LRRC63: variants seen among roughly 807,000 people sequenced by gnomAD.
The protein encoded by LRRC63 is leucine rich repeat containing 63, also known as leucine-rich repeat-containing protein 63.
A neutral mutation model predicts 49.5 loss-of-function variants in LRRC63; 40 were observed. The ratio of observed to expected loss-of-function variants is 0.81; its 90% CI spans 0.63 to 1.05. LRRC63 has a LOEUF of 1.05. LRRC63 is among the 50% of genes least tolerant of loss of function. LRRC63 has a pLI of 0.00. For synonymous variants in LRRC63, 191 were observed against 221.1 expected (o/e 0.86, Z 1.21); for missense variants, 636 against 663.1 (o/e 0.96, Z 0.45).
At chr13:46,251,230 A>G (rs753548180) in intron 7 of LRRC63, among the ~76,000 whole-genome samples, 25 of 151,876 alleles carry the variant, frequency 1.6e-4, no homozygotes, top group Non-Finnish European at 3.4e-4. Context: ...ATTTATAAAG[A>G]TGTTCATTCA....
chr13:46,272,177 C>T (rs1427364638), intron 9 of LRRC63, among the ~76,000 whole-genome samples: 1 of 152,144 alleles, frequency 6.6e-6, no homozygotes, highest in Non-Finnish European at 1.5e-5. Context: ...CAGTTTAAAA[C>T]TTACAAATTG....
intron 8 of LRRC63, among the ~76,000 whole-genome samples, chr13:46,264,367 A>C (rs1350384256): frequency 6.6e-6 from 1 of 152,080 alleles, no homozygotes; most frequent in African/African-American, 2.4e-5. Context: ...TATTGTTTAC[A>C]TGTTAGGTCT....
intron 2 of LRRC63, among the ~76,000 whole-genome samples, chr13:46,220,443 AGACGCCCCTCCCCCACC>A (rs2046371691): frequency 6.6e-6 from 1 of 152,120 alleles, no homozygotes; most frequent in African/African-American, 2.4e-5. Context: ...CAGTGATGGC[AGACGCCCCTCCCCCACC>A]AAGCTTGTGT....
chr13:46,217,553 A>G (rs1384593581), intron 2 of LRRC63, among the ~76,000 whole-genome samples: 1 of 152,156 alleles, frequency 6.6e-6, no homozygotes, highest in Non-Finnish European at 1.5e-5. Flanking sequence ...TTTTCAAAAA[A>G]CCAGCTCCTG....
At chr13:46,242,400 A>G (rs953485414) in intron 5 of LRRC63, among the ~76,000 whole-genome samples, 1 of 152,174 alleles carries the variant, frequency 6.6e-6, no homozygotes, top group African/African-American at 2.4e-5. Context: ...AATAATCTGT[A>G]CAAGAAACCC....
intron 4 of LRRC63, among the ~76,000 whole-genome samples, chr13:46,231,378 G>A (rs2046750592): frequency 6.6e-6 from 1 of 152,212 alleles, no homozygotes; most frequent in African/African-American, 2.4e-5. Context: ...CGTAGTTATG[G>A]CATTCCCTTG....
chr13:46,228,640 T>C, intron 3 of LRRC63, 25 bp from the exon 4 acceptor site: 1 of 1,368,566 alleles, frequency 7.3e-7, no homozygotes, highest in South Asian at 1.3e-5. Flanking sequence ...TCCAAAGTCA[T>C]CCCATTTGTT....
intron 4 of LRRC63, among the ~76,000 whole-genome samples, chr13:46,230,533 C>A (rs917402880): frequency 6.6e-6 from 1 of 152,274 alleles, no homozygotes; most frequent in African/African-American, 2.4e-5. Context: ...GAGCCCCTGG[C>A]AAACCACTGA....
intron 2 of LRRC63, among the ~76,000 whole-genome samples, chr13:46,218,626 G>T (rs1357115533): frequency 6.6e-6 from 1 of 152,154 alleles, no homozygotes; most frequent in East Asian, 1.9e-4. Flanking sequence ...CGTTATATGT[G>T]AATTTGATCC....
exon 3 of LRRC63, chr13:46,228,044 G>A: frequency 6.4e-7 from 1 of 1,551,060 alleles, no homozygotes; most frequent in Non-Finnish European, 8.7e-7. Context: ...CTCCACCTAT[G>A]ACTGTATCTA....
At chr13:46,223,381 C>A in intron 2 of LRRC63, among the ~76,000 whole-genome samples, 1 of 151,856 alleles carries the variant, frequency 6.6e-6, no homozygotes, top group African/African-American at 2.4e-5. Flanking sequence ...TTGGTTGTAA[C>A]AAATTTCCTC....
chr13:46,217,795 A>G (rs533448567), intron 2 of LRRC63, among the ~76,000 whole-genome samples: 412 of 152,248 alleles, frequency 2.7e-3, no homozygotes, highest in Non-Finnish European at 4.4e-3. Context: ...CAAGTGATTC[A>G]GGTACATTGT....
intron 5 of LRRC63, among the ~76,000 whole-genome samples, chr13:46,243,418 C>T (rs1256740321): frequency 6.6e-6 from 1 of 151,926 alleles, no homozygotes; most frequent in Non-Finnish European, 1.5e-5. Context: ...AAATGAATAA[C>T]AAAATGACAA....
chr13:46,256,090 A>G (rs149227604), intron 7 of LRRC63, among the ~76,000 whole-genome samples: 1 of 152,356 alleles, frequency 6.6e-6, no homozygotes, highest in African/African-American at 2.4e-5. Flanking sequence ...CCATTTCAGC[A>G]AAGTCAAAAA....
chr13:46,275,186 G>A (rs965116399), intron 9 of LRRC63, among the ~76,000 whole-genome samples: 2 of 152,240 alleles, frequency 1.3e-5, no homozygotes, highest in African/African-American at 4.8e-5. Flanking sequence ...ATTCCATTGT[G>A]TGTACATACC....
At chr13:46,270,407 G>T (rs777616888) in intron 9 of LRRC63, 1 of 811,760 alleles carries the variant, frequency 1.2e-6, no homozygotes, top group Admixed American at 1.7e-5. Flanking sequence ...AGAATATACT[G>T]TATCTAGTTG....
chr13:46,237,435 T>C (rs1464365737), intron 5 of LRRC63, among the ~76,000 whole-genome samples: 1 of 152,186 alleles, frequency 6.6e-6, no homozygotes, highest in Non-Finnish European at 1.5e-5. Context: ...CAACATGGTG[T>C]ACAAGTTGTT....
At chr13:46,231,536 G>A (rs142082514) in intron 4 of LRRC63, among the ~76,000 whole-genome samples, 2,059 of 151,838 alleles carry the variant, frequency 0.014, 53 homozygotes, top group African/African-American at 0.047. Context: ...TTTAGACAGA[G>A]TCTTACTCTA....
chr13:46,224,674 A>T (rs1223985429), intron 2 of LRRC63, among the ~76,000 whole-genome samples: 1 of 152,114 alleles, frequency 6.6e-6, no homozygotes, highest in African/African-American at 2.4e-5. Flanking sequence ...ATATCTGTGT[A>T]TCTGGTGTAA....
Sources: allele counts gnomAD v4.1 joint callset (sites outside exome capture counted in the v4.1 genomes callset), GRCh38; gene constraint gnomAD v4.1.1; transcripts MANE v1.5; gene names NCBI Gene and HGNC (gene_info 2026-07-23, HGNC 2026-07-21).